Variants in TCF12 observed in about 807,000 individuals in gnomAD.
TCF12 encodes transcription factor 12.
A neutral mutation model predicts 86.0 loss-of-function variants in TCF12; 45 were observed. That is an observed-to-expected ratio of 0.52 (90% CI 0.41 to 0.67). TCF12 has a LOEUF of 0.67. Ranked by LOEUF, TCF12 falls within the 30% of genes least tolerant of loss-of-function variation. TCF12 has a pLI of 0.00. For missense variants in TCF12, 881 were observed against 859.9 expected (o/e 1.02, Z -0.31); for synonymous variants, 330 against 299.6 (o/e 1.10, Z -1.05).
intron 3 of TCF12, among the ~76,000 whole-genome samples, chr15:56,976,498 A>C (rs532644278): frequency 6.6e-6 from 1 of 151,854 alleles, no homozygotes; most frequent in African/African-American, 2.4e-5. Context: ...CGGCCTCCCA[A>C]AGTGCTGGGA....
rs149634804 is a variant in TCF12, at chr15:57,166,251, A to AG, written c.326-150dup. 2.5e-3 allele frequency: 1,486 copies of AG among 602,308 alleles called. 17 individuals are homozygous for AG. In the African/African-American group the frequency reaches 0.026, roughly 11 times the overall value. The allele number at this position is 602,308 out of a possible 1,614,324, so 37.3% of individuals were successfully genotyped here. On this transcript the variant is annotated intron_variant, in intron 5 of 20. Coordinates refer to ENST00000333725, the MANE Select transcript of TCF12 (RefSeq NM_207037.2). ...ACTCAGACTGACTGAAGTGATAGCAAGTTTTACAAATTATTGAATTGTATC... is the reference window on the plus strand; with the variant it reads ...ACTCAGACTGACTGAAGTGATAGCAAGGTTTTACAAATTATTGAATTGTATC...
At position 57,287,746 on chromosome 15, in the gene TCF12, G is replaced by A. The variant is rs2061979075; in HGVS notation, c.*1601G>A. 1 of 152,592 alleles carries A rather than the reference G, an allele frequency of 6.6e-6. No individual in the cohort carries two copies. Among genetic ancestry groups the A allele is most frequent in the Non-Finnish European group, 1.5e-5 (1 of 68,026 alleles). 9.5% of individuals were successfully genotyped at this position (152,592 alleles called of 1,614,324 possible). A position where few individuals can be genotyped will look rare whatever the true frequency, so the allele number is the denominator to read the frequency against. On this transcript the variant is annotated 3_prime_UTR_variant, in exon 21 of 21. Coordinates refer to ENST00000333725, the MANE Select transcript of TCF12 (RefSeq NM_207037.2). ...AGAACAAAAACAAGACAGAACTTCT[G>A]GTACTCTAATCAGGATGATTCCTAA...
intron 6 of TCF12, among the ~76,000 whole-genome samples, chr15:57,170,857 GTC>G (rs2055438217): frequency 8.3e-6 from 1 of 121,068 alleles, no homozygotes; most frequent in African/African-American, 3.5e-5. Flanking sequence ...GCCCAGGCTG[GTC>G]TCAAATTCCT....
intron 5 of TCF12, among the ~76,000 whole-genome samples, chr15:57,165,528 A>G (rs2054824372): frequency 6.6e-6 from 1 of 150,736 alleles, no homozygotes; most frequent in Non-Finnish European, 1.5e-5. Flanking sequence ...AGCTATGTCT[A>G]TACTGTATTA....
chr15:57,239,187 A>G (rs760746953), intron 12 of TCF12, among the ~76,000 whole-genome samples: 7 of 152,018 alleles, frequency 4.6e-5, no homozygotes, highest in Non-Finnish European at 2.9e-5. Flanking sequence ...CCCCGTCTCT[A>G]CTAAAAATAC....
chr15:57,245,990 C>T (rs1386610908), intron 13 of TCF12, among the ~76,000 whole-genome samples: 1 of 150,940 alleles, frequency 6.6e-6, no homozygotes, highest in African/African-American at 2.5e-5. Context: ...GAAAGGAAAG[C>T]ACTGTGTGAT....
Position 57,214,954 on chromosome 15 carries a change from G to A in TCF12, c.580-16198G>A, listed in dbSNP as rs560159361. Reference sequence around the variant, plus strand: ...TTGTTGAATTAAAAGATGCACTATTGATTTTAGATCAATAACACTATTAAC... The same window carrying A: ...TTGTTGAATTAAAAGATGCACTATTAATTTTAGATCAATAACACTATTAAC... On this transcript the variant is annotated intron_variant, in intron 8 of 20. Coordinates refer to ENST00000333725, the MANE Select transcript of TCF12 (RefSeq NM_207037.2). Among the ~76,000 whole-genome samples the A allele has an allele frequency of 1.0e-3, 156 of 152,206 alleles. 2 individuals are homozygous for A. In the South Asian group the frequency reaches 0.031, roughly 31 times the overall value.
chr15:57,060,138 C>T (rs1365340557), intron 3 of TCF12, among the ~76,000 whole-genome samples: 1 of 152,176 alleles, frequency 6.6e-6, no homozygotes, highest in Admixed American at 6.5e-5. Flanking sequence ...TTTAAGGTAT[C>T]AGCCTTTTAG....
chr15:56,937,775 G>A (rs1335387266), intron 3 of TCF12, among the ~76,000 whole-genome samples: 2 of 151,966 alleles, frequency 1.3e-5, no homozygotes, highest in Non-Finnish European at 2.9e-5. Context: ...TATTTTGTCA[G>A]ATGCTTTTTC....
At chr15:57,274,229 T>G (rs79445459) in intron 19 of TCF12, among the ~76,000 whole-genome samples, 2 of 10,760 alleles carry the variant, frequency 1.9e-4, no homozygotes, top group Non-Finnish European at 4.6e-4. Context: ...AGCCTCAGCA[T>G]TAGATTACAG....
chr15:56,999,055 G>A (rs2063869677), intron 3 of TCF12, among the ~76,000 whole-genome samples: 1 of 152,026 alleles, frequency 6.6e-6, no homozygotes, highest in Non-Finnish European at 1.5e-5. Context: ...AAAATTAGCT[G>A]GGCGTGGTGG....
chr15:57,026,053 A>G (rs960396497), intron 3 of TCF12, among the ~76,000 whole-genome samples: 1 of 152,242 alleles, frequency 6.6e-6, no homozygotes, highest in Non-Finnish European at 1.5e-5. Flanking sequence ...GTAGAAGATA[A>G]TATAGATTTC....
At chr15:57,095,004 T>C (rs1841694) in intron 5 of TCF12, among the ~76,000 whole-genome samples, 151,237 of 152,368 alleles carry the variant, frequency 0.99, 75,068 homozygotes, top group Middle Eastern at 1. Flanking sequence ...ACAGAAAGTG[T>C]GTTTATATAT....
chr15:57,192,361 ACTTCTGG>A, intron 7 of TCF12, 68 bp downstream of exon 7: 1 of 1,528,424 alleles, frequency 6.5e-7, no homozygotes. Flanking sequence ...CATAATCTGT[ACTTCTGG>A]CTATGCTTTT....
At chr15:57,064,652 A>G (rs1421968608) in intron 4 of TCF12, among the ~76,000 whole-genome samples, 2 of 151,588 alleles carry the variant, frequency 1.3e-5, no homozygotes, top group Non-Finnish European at 1.5e-5. Context: ...AAAATTAGCC[A>G]AGGCGTGGGG....
In TCF12 at chr15:57,273,221, A is replaced by T; in HGVS notation, c.1937A>T (p.Gln646Leu). The change falls in exon 19 of 21, where the codon CAA becomes CTA. Residue 646 changes from glutamine (Q) to leucine (L), a missense_variant. Coordinates refer to ENST00000333725, the MANE Select transcript of TCF12 (RefSeq NM_207037.2). ...KPQTKLLILH[Q>L]AVAVILSLEQ... Reference sequence around the variant, plus strand: ...CAAACAAAACTCCTTATTCTTCATCAAGCCGTGGCAGTCATCCTTAGTCTA... The same window carrying T: ...CAAACAAAACTCCTTATTCTTCATCTAGCCGTGGCAGTCATCCTTAGTCTA... The T allele has an allele frequency of 6.2e-7, 1 of 1,614,182 alleles. No individual in the cohort carries two copies. The highest frequency in any genetic ancestry group is 8.5e-7 in the Non-Finnish European group (1 of 1,180,030).
intron 5 of TCF12, among the ~76,000 whole-genome samples, chr15:57,096,958 G>A (rs139493981): frequency 6.6e-6 from 1 of 152,162 alleles, no homozygotes; most frequent in Non-Finnish European, 1.5e-5. Context: ...TCCACTTTCT[G>A]TATCTCAGAA....
chr15:57,160,407 G>A (rs1445878317), intron 5 of TCF12, among the ~76,000 whole-genome samples: 1 of 152,096 alleles, frequency 6.6e-6, no homozygotes, highest in African/African-American at 2.4e-5. Context: ...CCACCCCCAT[G>A]GTTCGATTAC....
chr15:56,976,600 A>C lies in TCF12; in HGVS notation c.148+55502A>C, dbSNP rs112788361. Among the ~76,000 whole-genome samples the C allele has an allele frequency of 1.4e-4, 22 of 152,074 alleles. 1 individual carries two copies. Among genetic ancestry groups the C allele is most frequent in the Middle Eastern group, 6.3e-3 (2 of 316 alleles). On this transcript the variant is annotated intron_variant, in intron 3 of 20. Coordinates refer to ENST00000333725, the MANE Select transcript of TCF12 (RefSeq NM_207037.2). ...ACAAATTTGTATTTAAGCCCTAATA[A>C]ATCAATGAATCTAGGCATTGAGCAT...
Sources: gnomAD v4.1 joint callset for allele counts (sites outside exome capture counted in the v4.1 genomes callset) on GRCh38, gnomAD v4.1.1 for gene constraint, MANE v1.5 for transcripts, NCBI Gene and HGNC (gene_info 2026-07-23, HGNC 2026-07-21) for gene names.